The following ADAMTS14 variants were observed in gnomAD, a reference collection of about 807,000 sequenced individuals.
ADAMTS14 encodes the protein A disintegrin and metalloproteinase with thrombospondin motifs 14.
Under a neutral mutation model 128.6 loss-of-function variants are expected in ADAMTS14, and 100 were observed. The ratio of observed to expected loss-of-function variants is 0.78; its 90% CI spans 0.66 to 0.92. The LOEUF is 0.92. Among genes scored for constraint, ADAMTS14 ranks in the 40% least tolerant of loss-of-function variants. ADAMTS14 has a pLI of 0.00. For synonymous variants in ADAMTS14, 665 were observed against 653.8 expected (o/e 1.02, Z -0.26); for missense variants, 1,562 against 1,658.6 (o/e 0.94, Z 1.01).
chr10:70,747,196 A>C (rs1842203706), intron 15 of ADAMTS14, among the ~76,000 whole-genome samples: 1 of 152,068 alleles, frequency 6.6e-6, no homozygotes, highest in African/African-American at 2.4e-5. Context: ...GGGCTCCTAA[A>C]CTTCTATTCT....
chr10:70,706,941 T>G (rs11599521), intron 3 of ADAMTS14, among the ~76,000 whole-genome samples: 52,241 of 152,118 alleles, frequency 0.34, 9,813 homozygotes, highest in African/African-American at 0.49. Flanking sequence ...GGGTCTGCAC[T>G]CACTCGCTCC....
intron 4 of ADAMTS14, among the ~76,000 whole-genome samples, chr10:70,726,596 C>G (rs1564540565): frequency 6.6e-6 from 1 of 152,194 alleles, no homozygotes; most frequent in East Asian, 1.9e-4. Flanking sequence ...TCAGGGAGGT[C>G]TGCAACACTT....
chr10:70,716,554 C>A (rs1841052031), intron 4 of ADAMTS14, among the ~76,000 whole-genome samples: 1 of 152,208 alleles, frequency 6.6e-6, no homozygotes, highest in Non-Finnish European at 1.5e-5. Flanking sequence ...GCAGCTCATC[C>A]TGTCCATTGT....
chr10:70,729,873 G>C (rs1405357786), intron 5 of ADAMTS14, among the ~76,000 whole-genome samples: 2 of 152,218 alleles, frequency 1.3e-5, no homozygotes, highest in Non-Finnish European at 2.9e-5. Context: ...TGTGTGTGAA[G>C]TTCCCGGCAG....
intron 11 of ADAMTS14, 142 bp from the exon 12 acceptor site, chr10:70,740,845 G>C (rs1814441512): frequency 2.4e-6 from 2 of 827,284 alleles, no homozygotes; most frequent in Non-Finnish European, 3.8e-6. Context: ...CACCCTGGGA[G>C]CCATTCTCTG....
chr10:70,742,966 G>A (rs770898492), intron 12 of ADAMTS14, among the ~76,000 whole-genome samples: 84 of 152,128 alleles, frequency 5.5e-4, no homozygotes, highest in Admixed American at 9.2e-4. Context: ...ATGTTAAGAC[G>A]CATGTCATAC....
At position 70,743,692 on chromosome 10, in the gene ADAMTS14, C is replaced by A. The variant is rs955344880; in HGVS notation, c.2058+11C>A. 6.2e-5 allele frequency: 97 copies of A among 1,560,278 alleles called. No individual in the cohort carries two copies. Among genetic ancestry groups the A allele is most frequent in the Non-Finnish European group, 7.6e-5 (87 of 1,151,886 alleles). On this transcript the variant is annotated intron_variant, in intron 13 of 21. Transcript: ENST00000373207. The stretch of plus-strand genomic sequence containing the variant: ...CGTGGCGAGTGTGTGGTGGGTGCAC[C>A]CCCAGCCACCCCGACTACCGGCACA...
chr10:70,751,544 C>G lies in ADAMTS14; in HGVS notation c.2494C>G (p.Leu832Val). 6.2e-7 allele frequency: 1 copy of G among 1,613,820 alleles called. No individual in the cohort carries two copies. Residue 832 changes from leucine to valine, a missense_variant, in exon 17 of 22, where the codon CTG becomes GTG. Physicochemically the swap from Leu to Val is conservative, Grantham distance 32. Transcript: ENST00000373207. ...LAYKYVIHED[L>V]LPLIGSNNVL... is the part of the protein sequence containing the mutation. The stretch of plus-strand genomic sequence containing the variant: ...CTACAAGTACGTCATCCATGAGGAC[C>G]TGCTGCCCCTTATCGGGAGCAACAA...
At chr10:70,690,517 A>G (rs948041399) in intron 2 of ADAMTS14, among the ~76,000 whole-genome samples, 10 of 145,414 alleles carry the variant, frequency 6.9e-5, no homozygotes, top group African/African-American at 2.4e-4. Context: ...GCCACTGCCA[A>G]GTCCCTCATC....
In ADAMTS14 at chr10:70,751,553, C is replaced by T; in HGVS notation, c.2503C>T (p.Leu835Phe). The stretch of plus-strand genomic sequence containing the variant: ...CGTCATCCATGAGGACCTGCTGCCC[C>T]TTATCGGGAGCAACAATGTGCTCCT... ...KYVIHEDLLP[L>F]IGSNNVLLEE... Residue 835 changes from leucine (L) to phenylalanine (F), a missense_variant, in exon 17 of 22, where the codon CTT becomes TTT. Physicochemically the swap from Leu to Phe is conservative, Grantham distance 22 (BLOSUM62 0). Coordinates refer to ENST00000373207, the MANE Select transcript of ADAMTS14 (RefSeq NM_080722.4). The T allele has an allele frequency of 6.2e-7, 1 of 1,613,868 alleles. No individual in the cohort carries two copies. Among genetic ancestry groups the T allele is most frequent in the Non-Finnish European group, 8.5e-7 (1 of 1,179,798 alleles).
At chr10:70,695,993 G>T (rs547752421) in intron 2 of ADAMTS14, among the ~76,000 whole-genome samples, 1 of 152,348 alleles carries the variant, frequency 6.6e-6, no homozygotes, top group South Asian at 2.1e-4. Flanking sequence ...GGCCACTTGA[G>T]GTGGGTAGAG....
rs377015296 is a variant in ADAMTS14, at chr10:70,760,895, A to C, written c.*42A>C. On this transcript the variant is annotated 3_prime_UTR_variant, in exon 22 of 22. Coordinates refer to ENST00000373207, the MANE Select transcript of ADAMTS14 (RefSeq NM_080722.4). ...CCACTGGCACGTTTACACTCTGTGT[A>C]CTGCCCCGTGACTCCCAGCTCAGAG... 4 of 1,519,502 alleles carry C rather than the reference A, an allele frequency of 2.6e-6. No individual in the cohort carries two copies. Among genetic ancestry groups the C allele is most frequent in the East Asian group, 2.3e-5 (1 of 43,882 alleles). The allele number at this position is 1,519,502 out of a possible 1,614,324, so 94.1% of individuals were successfully genotyped here. A position where few individuals can be genotyped will look rare whatever the true frequency, so the allele number is the denominator to read the frequency against.
chr10:70,724,637 G>A (rs1841370883), intron 4 of ADAMTS14, among the ~76,000 whole-genome samples: 1 of 152,202 alleles, frequency 6.6e-6, no homozygotes, highest in Admixed American at 6.5e-5. Flanking sequence ...TTCTTGGCCT[G>A]TGCAAAGTCT....
At chr10:70,713,538 T>C (rs921703840) in intron 4 of ADAMTS14, among the ~76,000 whole-genome samples, 1 of 152,178 alleles carries the variant, frequency 6.6e-6, no homozygotes, top group African/African-American at 2.4e-5. Context: ...TGCTTGTCAG[T>C]GGAACCCAGC....
chr10:70,706,206 A>G (rs977068855), intron 3 of ADAMTS14, among the ~76,000 whole-genome samples: 4 of 152,168 alleles, frequency 2.6e-5, no homozygotes, highest in Non-Finnish European at 5.9e-5. Context: ...AATTCCCCAG[A>G]AAGTCTGCAG....
At chr10:70,720,454 T>C (rs1841220685) in intron 4 of ADAMTS14, among the ~76,000 whole-genome samples, 1 of 152,208 alleles carries the variant, frequency 6.6e-6, no homozygotes, top group African/African-American at 2.4e-5. Flanking sequence ...CTGACCATCA[T>C]GGAGCCTTAG....
chr10:70,737,261 A>G (rs563775677), intron 10 of ADAMTS14, among the ~76,000 whole-genome samples: 1 of 152,244 alleles, frequency 6.6e-6, no homozygotes, highest in East Asian at 1.9e-4. Context: ...TCCTTCATGA[A>G]TGTCCTGTGT....
chr10:70,752,683 C>T (rs72814601), intron 18 of ADAMTS14, among the ~76,000 whole-genome samples: 11 of 152,280 alleles, frequency 7.2e-5, no homozygotes, highest in East Asian at 3.9e-4. Flanking sequence ...AGACTGAGGC[C>T]GAGGGTGGCT....
At chr10:70,727,306 G>A (rs1841469176) in intron 4 of ADAMTS14, among the ~76,000 whole-genome samples, 1 of 152,204 alleles carries the variant, frequency 6.6e-6, no homozygotes, top group African/African-American at 2.4e-5. Flanking sequence ...ACGCCTGTGT[G>A]GTTGGAAGTG....
Sources: gnomAD v4.1 joint callset for allele counts (sites outside exome capture counted in the v4.1 genomes callset) on GRCh38, gnomAD v4.1.1 for gene constraint, MANE v1.5 for transcripts, NCBI Gene and HGNC (gene_info 2026-07-23, HGNC 2026-07-21) for gene names.